Variants in ALK observed in about 807,000 individuals in gnomAD.
ALK encodes the protein ALK tyrosine kinase receptor.
ALK carries 74 observed loss-of-function variants against 163.1 expected under a neutral mutation model. That is an observed-to-expected ratio of 0.45 (90% CI 0.38 to 0.55). The LOEUF is 0.55. Ranked by LOEUF, ALK falls within the 20% of genes least tolerant of loss-of-function variation. The pLI, the probability that ALK is intolerant of heterozygous loss-of-function variation, is 0.00. For missense variants in ALK, 2,063 were observed against 2,105.3 expected, an observed-to-expected ratio of 0.98 and a Z score of 0.39; for synonymous variants, 960 against 843.2, an observed-to-expected ratio of 1.14 and a Z score of -2.40.
chr2:29,361,127 G>A (rs973250993), intron 5 of ALK, among the ~76,000 whole-genome samples: 2 of 152,218 alleles, frequency 1.3e-5, no homozygotes, highest in African/African-American at 4.8e-5. Context: ...GCAGATCGCC[G>A]ACGCAGTCTC....
intron 3 of ALK, among the ~76,000 whole-genome samples, chr2:29,588,091 T>C (rs1017283492): frequency 3.9e-5 from 6 of 152,224 alleles, no homozygotes; most frequent in Admixed American, 3.9e-4. Context: ...TTTAAGTAGA[T>C]TGATCTTGCA....
chr2:29,919,872 A>G, intron 1 of ALK, 121 bp downstream of exon 1: 2 of 1,227,806 alleles, frequency 1.6e-6, no homozygotes, highest in Middle Eastern at 2.2e-4. Flanking sequence ...GGGAGGAAGG[A>G]GGGCGATGAA....
At chr2:29,544,109 T>A (rs1332711033) in intron 3 of ALK, among the ~76,000 whole-genome samples, 1 of 152,188 alleles carries the variant, frequency 6.6e-6, no homozygotes, top group Non-Finnish European at 1.5e-5. Context: ...ATGCCACTCA[T>A]GTTAGGTGGG....
intron 24 of ALK, among the ~76,000 whole-genome samples, chr2:29,210,642 C>T (rs967271360): frequency 2.0e-5 from 3 of 152,166 alleles, no homozygotes; most frequent in Non-Finnish European, 4.4e-5. Context: ...CCAAGTTGGC[C>T]AGGCTGGTCT....
At chr2:29,909,987 A>G (rs1016322840) in intron 1 of ALK, among the ~76,000 whole-genome samples, 9 of 152,014 alleles carry the variant, frequency 5.9e-5, no homozygotes, top group Non-Finnish European at 1.0e-4. Flanking sequence ...ACCAAAAAAA[A>G]AAAAAAAAAC....
At chr2:29,558,984 A>G (rs1573455267) in intron 3 of ALK, among the ~76,000 whole-genome samples, 1 of 152,314 alleles carries the variant, frequency 6.6e-6, no homozygotes, top group East Asian at 1.9e-4. Context: ...CTGTCCATAT[A>G]CACTCCTATA....
At chr2:29,655,117 C>G (rs537822055) in intron 3 of ALK, among the ~76,000 whole-genome samples, 43 of 152,156 alleles carry the variant, frequency 2.8e-4, no homozygotes, top group African/African-American at 1.0e-3. Flanking sequence ...TAGGAAAGTG[C>G]AAAAACAAGA....
chr2:29,720,716 G>T (rs1679396193), intron 1 of ALK, among the ~76,000 whole-genome samples: 1 of 152,148 alleles, frequency 6.6e-6, no homozygotes, highest in Non-Finnish European at 1.5e-5. Context: ...CAAGTACAGG[G>T]TCAAGACACT....
intron 4 of ALK, among the ~76,000 whole-genome samples, chr2:29,404,867 C>T (rs529431423): frequency 1.9e-4 from 29 of 152,176 alleles, no homozygotes; most frequent in South Asian, 6.2e-4. Flanking sequence ...TATCATGCCA[C>T]GAGGAAAAGC....
chr2:29,374,327 G>T (rs1448224555), intron 5 of ALK, among the ~76,000 whole-genome samples: 1 of 152,052 alleles, frequency 6.6e-6, no homozygotes, highest in African/African-American at 2.4e-5. Flanking sequence ...GCTCAAAAAG[G>T]TGGTGAGCGA....
In ALK at chr2:29,193,367, G is replaced by T. The variant is rs770217830; in HGVS notation, c.4720C>A (p.Leu1574Ile). ...ANMKEVPLFR[L>I]RHFPCGNVNY... is the part of the protein sequence containing the mutation. ...ACATTCCCACAAGGGAAGTGACGTA[G>T]CCTGAACAGAGGTACCTCCTTCATA... The change falls in exon 29 of 29, where the codon CTA becomes ATA. Residue 1574 changes from leucine (L) to isoleucine (I), a missense_variant. By Grantham distance (5) the Leu-to-Ile change is conservative (BLOSUM62 2). Around this residue, in one of 5 missense-constraint regions of ALK, gnomAD observed 403 missense variants for 366.2 expected, o/e 1.10. Coordinates refer to ENST00000389048, the MANE Select transcript of ALK (RefSeq NM_004304.5). The T allele has an allele frequency of 4.3e-6, 7 of 1,614,198 alleles. No homozygotes were observed. Among genetic ancestry groups the T allele is most frequent in the Non-Finnish European group, 5.9e-6 (7 of 1,180,028 alleles).
intron 3 of ALK, among the ~76,000 whole-genome samples, chr2:29,688,793 A>G (rs797002164): frequency 5.3e-5 from 8 of 152,156 alleles, no homozygotes; most frequent in African/African-American, 1.9e-4. Flanking sequence ...CAACTTCAAC[A>G]TTTTTCTAAA....
intron 3 of ALK, among the ~76,000 whole-genome samples, chr2:29,571,600 A>ATTTTTTTT (rs1674371246): frequency 3.0e-5 from 2 of 66,340 alleles, no homozygotes; most frequent in African/African-American, 1.1e-4. Context: ...CTTGGCTCAT[A>ATTTTTTTT]TCTTTTTTTT....
chr2:29,857,997 A>C (rs1296366243), intron 1 of ALK, among the ~76,000 whole-genome samples: 4 of 152,198 alleles, frequency 2.6e-5, no homozygotes, highest in Non-Finnish European at 5.9e-5. Context: ...ACATTGATAC[A>C]ATCCAACAAC....
intron 3 of ALK, among the ~76,000 whole-genome samples, chr2:29,634,889 T>C (rs143182125): frequency 0.015 from 2,355 of 152,158 alleles, 79 homozygotes; most frequent in African/African-American, 0.054. Context: ...GTATAGAAAA[T>C]ATATGATTAA....
intron 24 of ALK, among the ~76,000 whole-genome samples, chr2:29,213,621 T>C (rs1217572845): frequency 6.6e-6 from 1 of 152,156 alleles, no homozygotes; most frequent in Non-Finnish European, 1.5e-5. Flanking sequence ...CTGGCGAGGA[T>C]ATTTTATGAC....
intron 4 of ALK, among the ~76,000 whole-genome samples, chr2:29,420,156 T>TAAAA (rs66468654): frequency 4.2e-4 from 46 of 108,722 alleles, no homozygotes; most frequent in Non-Finnish European, 5.3e-4. Context: ...GACCCTGTCT[T>TAAAA]AAAAAAAAAA....
chr2:29,665,934 A>G (rs1218411989), intron 3 of ALK, among the ~76,000 whole-genome samples: 1 of 152,080 alleles, frequency 6.6e-6, no homozygotes, highest in African/African-American at 2.4e-5. Flanking sequence ...AAATAGAACT[A>G]ACCCTTGACC....
intron 1 of ALK, among the ~76,000 whole-genome samples, chr2:29,814,199 C>T (rs1251543268): frequency 6.6e-6 from 1 of 152,188 alleles, no homozygotes. Context: ...AGAAGAGGCA[C>T]TGAGGCCCAG....
Sources: allele counts gnomAD v4.1 joint callset (sites outside exome capture counted in the v4.1 genomes callset), GRCh38; gene constraint gnomAD v4.1.1; regional missense constraint gnomAD v4.1.1; transcripts MANE v1.5; gene names NCBI Gene and HGNC (gene_info 2026-07-23, HGNC 2026-07-21).